Variants in ABCB4 observed in about 807,000 individuals in gnomAD.
The protein encoded by ABCB4 is ATP binding cassette subfamily B member 4.
Under a neutral mutation model 145.7 loss-of-function variants are expected in ABCB4, and 76 were observed. That is an observed-to-expected ratio of 0.52 (90% CI 0.43 to 0.63). ABCB4 has a LOEUF of 0.63. Among genes scored for constraint, ABCB4 ranks in the 30% least tolerant of loss-of-function variants. ABCB4 has a pLI of 0.00. For missense variants in ABCB4, 1,234 were observed against 1,553.1 expected (o/e 0.79, Z 3.45); for synonymous variants, 517 against 566.8 (o/e 0.91, Z 1.25).
chr7:87,389,580 A>C, the ABCB4 span, among the ~76,000 whole-genome samples: 3 of 152,060 alleles, frequency 2.0e-5, no homozygotes, highest in Non-Finnish European at 4.4e-5. Context: ...CAATGAGAAT[A>C]CATGGACACA....
chr7:87,463,404 T>C (rs543232021), intron 3 of ABCB4, among the ~76,000 whole-genome samples: 2 of 152,314 alleles, frequency 1.3e-5, no homozygotes, highest in African/African-American at 4.8e-5. Context: ...GGCAACTCAG[T>C]AGTGAAGCAC....
chr7:87,413,600 A>C lies in ABCB4; in HGVS notation c.2783+17T>G, dbSNP rs746321622. 6.8e-7 allele frequency: 1 copy of C among 1,476,592 alleles called. No homozygotes were observed. Among genetic ancestry groups the C allele is most frequent in the Admixed American group, 1.7e-5 (1 of 59,830 alleles). The allele number at this position is 1,476,592 out of a possible 1,614,324, so 91.5% of individuals were successfully genotyped here. ...GGAAAGCACTAGGTTCTTAGCAGGA[A>C]TCATATGGTTCATTACCTGTAAGGT... On this transcript the variant is annotated intron_variant, in intron 22 of 27. Coordinates refer to ENST00000649586, the MANE Select transcript of ABCB4 (RefSeq NM_000443.4).
At chr7:87,375,973 T>C in the ABCB4 span, 2 of 1,512,294 alleles carry the variant, frequency 1.3e-6, no homozygotes, top group African/African-American at 2.9e-5. Context: ...TACCTTCTCT[T>C]TTTTTTTTTA....
At chr7:87,381,468 T>G in the ABCB4 span, among the ~76,000 whole-genome samples, 1 of 152,212 alleles carries the variant, frequency 6.6e-6, no homozygotes, top group East Asian at 1.9e-4. Context: ...CTAAGTGGCC[T>G]AAGTCCTTAC....
chr7:87,435,406 G>A (rs1810543341), intron 14 of ABCB4, among the ~76,000 whole-genome samples: 1 of 152,218 alleles, frequency 6.6e-6, no homozygotes, highest in South Asian at 2.1e-4. Context: ...GGCAGGCCCT[G>A]TAACTTGTTT....
At position 87,403,168 on chromosome 7, in the gene ABCB4, T is replaced by G; in HGVS notation, c.3600A>C (p.Glu1200Asp). 6.2e-7 allele frequency: 1 copy of G among 1,614,024 alleles called. No individual in the cohort carries two copies. The highest frequency in any genetic ancestry group is 2.2e-5 in the East Asian group (1 of 44,876). ...IRQPQILLLD[E>D]ATSALDTESE... ...TTTCAGTATCCAGAGCTGATGTAGC[T>G]TCATCCAACAGGAGGATTTGAGGTT... is the stretch of plus-strand genomic sequence containing the variant. The change falls in exon 27 of 28, where the codon GAA (glutamate) becomes GAC (aspartate). Residue 1200 changes from glutamate (E) to aspartate (D), a missense_variant. Around this residue, in one of 7 missense-constraint regions of ABCB4, gnomAD observed 6 missense variants for 31.3 expected, o/e 0.19. Coordinates refer to ENST00000649586, the MANE Select transcript of ABCB4 (RefSeq NM_000443.4).
chr7:87,417,567 C>A (rs765933283), intron 20 of ABCB4, 52 bp from the exon 21 acceptor site: 3 of 1,459,712 alleles, frequency 2.1e-6, no homozygotes, highest in East Asian at 4.6e-5. Context: ...CAAATGCATG[C>A]GCTCCAGCCT....
intron 3 of ABCB4, among the ~76,000 whole-genome samples, chr7:87,472,160 G>T (rs936504185): frequency 6.6e-6 from 1 of 152,058 alleles, no homozygotes; most frequent in African/African-American, 2.4e-5. Flanking sequence ...ACTATAATAA[G>T]CCAAACTTAT....
chr7:87,377,526 C>A, the ABCB4 span: 1 of 861,990 alleles, frequency 1.2e-6, no homozygotes, highest in Non-Finnish European at 1.9e-6. Flanking sequence ...AATACTTGTG[C>A]TGGGGAACAG....
chr7:87,391,716 A>T, the ABCB4 span: 4 of 1,600,186 alleles, frequency 2.5e-6, no homozygotes, highest in Non-Finnish European at 3.4e-6. Flanking sequence ...TGTCAATGTG[A>T]GTATTGGAAA....
In ABCB4 at chr7:87,401,883, G is replaced by C. The variant is rs775289363; in HGVS notation, c.*213C>G. The C allele has an allele frequency of 2.8e-6, 2 of 713,210 alleles. No individual in the cohort carries two copies. The highest frequency in any genetic ancestry group is 2.0e-5 in the Admixed American group (1 of 49,472). 44.2% of individuals were successfully genotyped at this position (713,210 alleles called of 1,614,324 possible). A position where few individuals can be genotyped will look rare whatever the true frequency, so the allele number is the denominator to read the frequency against. On this transcript the variant is annotated 3_prime_UTR_variant, in exon 28 of 28. Transcript: ENST00000649586. ...GTTTCTAATAACTTAGGGAGAGCTA[G>C]CCTGTTGTTTCAATACTTCATCAAG...
chr7:87,392,568 T>A, the ABCB4 span: 1 of 1,612,846 alleles, frequency 6.2e-7, no homozygotes, highest in East Asian at 2.2e-5. Flanking sequence ...TAATACAGCT[T>A]CGTGAGCGGC....
the ABCB4 span, among the ~76,000 whole-genome samples, chr7:87,390,273 G>T: frequency 3.3e-4 from 50 of 152,182 alleles, no homozygotes; most frequent in African/African-American, 1.2e-3. Context: ...GTGTTTACTT[G>T]TCAGCCAGCA....
chr7:87,439,358 A>G (rs1272827695), intron 14 of ABCB4, among the ~76,000 whole-genome samples: 1 of 152,170 alleles, frequency 6.6e-6, no homozygotes, highest in African/African-American at 2.4e-5. Flanking sequence ...AAAAATATAT[A>G]TATTTTAACA....
In ABCB4 at chr7:87,406,208, A is replaced by G. The variant is rs1478255953; in HGVS notation, c.3486+80T>C. 2.8e-6 allele frequency: 4 copies of G among 1,424,972 alleles called. No individual in the cohort carries two copies. In the African/African-American group the frequency reaches 5.6e-5, roughly 20 times the overall value. 88.3% of individuals were successfully genotyped at this position (1,424,972 alleles called of 1,614,324 possible). On this transcript the variant is annotated intron_variant, in intron 26 of 27. Coordinates refer to ENST00000649586, the MANE Select transcript of ABCB4 (RefSeq NM_000443.4). ...TAGTAAATCAACATATTTTGTTACA[A>G]GATTTTGTTGGCATAACTTTGGTAA...
intron 23 of ABCB4, 83 bp from the exon 24 acceptor site, chr7:87,409,475 C>T (rs906455965): frequency 7.0e-7 from 1 of 1,435,672 alleles, no homozygotes; most frequent in Admixed American, 1.7e-5. Flanking sequence ...TAGTGCTTAC[C>T]AGTATTTTTT....
At chr7:87,465,935 C>G (rs1451444481) in intron 3 of ABCB4, among the ~76,000 whole-genome samples, 1 of 152,086 alleles carries the variant, frequency 6.6e-6, no homozygotes, top group Admixed American at 6.6e-5. Flanking sequence ...TAGATAAAAC[C>G]ACAAAGATGG....
the ABCB4 span, among the ~76,000 whole-genome samples, chr7:87,387,526 G>A: frequency 1.2e-3 from 188 of 151,724 alleles, no homozygotes; most frequent in African/African-American, 4.3e-3. Flanking sequence ...AGCCCCCAGT[G>A]CATTAGAAAA....
chr7:87,414,896 T>A (rs1808863987), intron 21 of ABCB4, among the ~76,000 whole-genome samples: 1 of 152,168 alleles, frequency 6.6e-6, no homozygotes, highest in African/African-American at 2.4e-5. Context: ...GAAATAGTAT[T>A]CCTATTTACA....
Sources: allele counts gnomAD v4.1 joint callset (sites outside exome capture counted in the v4.1 genomes callset), GRCh38; gene constraint gnomAD v4.1.1; regional missense constraint gnomAD v4.1.1; transcripts MANE v1.5; gene names NCBI Gene and HGNC (gene_info 2026-07-23, HGNC 2026-07-21).